The following ACER2 variants were observed in gnomAD, a reference collection of about 807,000 sequenced individuals.
ACER2 encodes alkCDase 2.
A neutral mutation model predicts 34.7 loss-of-function variants in ACER2; 26 were observed. The ratio of observed to expected loss-of-function variants is 0.75; its 90% CI spans 0.55 to 1.04. ACER2 has a LOEUF of 1.04. Among genes scored for constraint, ACER2 ranks in the 50% least tolerant of loss-of-function variants. ACER2 has a pLI of 0.00. For missense variants in ACER2, 352 were observed against 340.8 expected (o/e 1.03, Z -0.26); for synonymous variants, 138 against 132.1 (o/e 1.04, Z -0.31).
chr9:19,445,171 C>G lies in ACER2; in HGVS notation c.504-1110C>G, dbSNP rs1831313372. On this transcript the variant is annotated intron_variant, in intron 4 of 5. Coordinates refer to ENST00000340967, the MANE Select transcript of ACER2 (RefSeq NM_001010887.3). ...CCAGCTGCCCCCAGGTGTTCGTCCC[C>G]AGGGGTAGAACTCACCCACTTTATG... 2.0e-5 allele frequency among the ~76,000 whole-genome samples: 3 copies of G among 152,234 alleles called. No individual in the cohort carries two copies. The South Asian group carries it at 6.2e-4, about 32-fold the overall frequency.
At chr9:19,447,454 A>G (rs1413872093) in intron 5 of ACER2, among the ~76,000 whole-genome samples, 1 of 152,224 alleles carries the variant, frequency 6.6e-6, no homozygotes, top group Non-Finnish European at 1.5e-5. Flanking sequence ...CAAAATTCAA[A>G]CAGCACAAGT....
chr9:19,439,912 C>G (rs762083263), intron 4 of ACER2, among the ~76,000 whole-genome samples: 1 of 152,054 alleles, frequency 6.6e-6, no homozygotes, highest in Non-Finnish European at 1.5e-5. Context: ...GGTTGTGGTG[C>G]GTGGAGATGT....
intron 4 of ACER2, among the ~76,000 whole-genome samples, chr9:19,444,774 C>T (rs957923226): frequency 2.6e-4 from 40 of 152,146 alleles, no homozygotes; most frequent in African/African-American, 8.9e-4. Flanking sequence ...GAGTGGTAAT[C>T]GAAAGCGAGA....
chr9:19,421,358 T>C (rs772276155), intron 1 of ACER2, among the ~76,000 whole-genome samples: 33 of 152,260 alleles, frequency 2.2e-4, no homozygotes, highest in Non-Finnish European at 3.7e-4. Flanking sequence ...AATGTATGAA[T>C]AGACAAAATA....
Position 19,434,945 on chromosome 9 carries a change from A to C in ACER2, c.366-2A>C. ...GATTTGGTTTTGCTTTCATGGATTC[A>C]GGGGTAGGTTCAAGGTGGTGGTCAG... On this transcript the variant is annotated splice_acceptor_variant, in intron 3 of 5. Transcript: ENST00000340967. LOFTEE classifies it high-confidence loss of function. 6.2e-7 allele frequency: 1 copy of C among 1,613,254 alleles called. No individual in the cohort carries two copies. The highest frequency in any genetic ancestry group is 8.5e-7 in the Non-Finnish European group (1 of 1,179,950).
At chr9:19,426,829 A>G (rs1830585138) in intron 3 of ACER2, among the ~76,000 whole-genome samples, 2 of 152,120 alleles carry the variant, frequency 1.3e-5, no homozygotes, top group African/African-American at 4.8e-5. Context: ...CAAAAAGCTG[A>G]GGCAGGAAGA....
intron 3 of ACER2, among the ~76,000 whole-genome samples, chr9:19,434,700 T>C (rs1830901355): frequency 6.6e-6 from 1 of 152,056 alleles, no homozygotes; most frequent in Non-Finnish European, 1.5e-5. Flanking sequence ...GCAGGGAGGT[T>C]GCAGTGAGCC....
intron 2 of ACER2, among the ~76,000 whole-genome samples, 172 bp downstream of exon 2, chr9:19,424,148 G>A (rs1830492559): frequency 1.3e-5 from 2 of 152,136 alleles, no homozygotes; most frequent in Admixed American, 6.6e-5. Flanking sequence ...TGATAACAAA[G>A]TTGGCATTAC....
At chr9:19,431,019 GT>G (rs11313290) in intron 3 of ACER2, among the ~76,000 whole-genome samples, 38,279 of 151,734 alleles carry the variant, frequency 0.25, 5,749 homozygotes, top group African/African-American at 0.42. Context: ...AAAAACCCAT[GT>G]TTTTTTCAAG....
chr9:19,446,893 G>C (rs1831385801), intron 5 of ACER2, among the ~76,000 whole-genome samples: 1 of 152,172 alleles, frequency 6.6e-6, no homozygotes, highest in African/African-American at 2.4e-5. Context: ...ATTTCTATAA[G>C]TGGGGACAGA....
Position 19,451,951 on chromosome 9 carries a change from C to CT in ACER2, c.*1316dup, listed in dbSNP as rs55751242. 0.45 allele frequency: 67,748 copies of CT among 151,974 alleles called. 16,694 individuals are homozygous for CT. Among genetic ancestry groups the CT allele is most frequent in the Non-Finnish European group, 0.56 (38,065 of 67,748 alleles). 9.4% of individuals were successfully genotyped at this position (151,974 alleles called of 1,614,324 possible). ...CCAGAGTATCCAACGGCTCACCTTT[C>CT]TCAAGTGCTGGCAGTAGCTATGCAC... On this transcript the variant is annotated 3_prime_UTR_variant, in exon 6 of 6. Coordinates refer to ENST00000340967, the MANE Select transcript of ACER2 (RefSeq NM_001010887.3).
At position 19,420,228 on chromosome 9, in the gene ACER2, A is replaced by T. The variant is rs565460004; in HGVS notation, c.109-3634A>T. 2.0e-5 allele frequency among the ~76,000 whole-genome samples: 3 copies of T among 152,258 alleles called. No homozygotes were observed. In the South Asian group the frequency reaches 6.2e-4, roughly 32 times the overall value. On this transcript the variant is annotated intron_variant, in intron 1 of 5. Coordinates refer to ENST00000340967, the MANE Select transcript of ACER2 (RefSeq NM_001010887.3). Reference sequence around the variant, plus strand: ...CATTGTGTATTGTCCAACATGAGTAACCGCTCTTTTCTTCTGAAAGCCCTG... The same window carrying T: ...CATTGTGTATTGTCCAACATGAGTATCCGCTCTTTTCTTCTGAAAGCCCTG...
intron 3 of ACER2, among the ~76,000 whole-genome samples, chr9:19,430,839 T>G (rs1207144771): frequency 6.6e-6 from 1 of 151,990 alleles, no homozygotes; most frequent in Non-Finnish European, 1.5e-5. Context: ...GTGCCTGTAA[T>G]CCCAGCTACT....
intron 2 of ACER2, 50 bp downstream of exon 2, chr9:19,424,026 G>A (rs2079176957): frequency 7.2e-7 from 1 of 1,382,668 alleles, no homozygotes; most frequent in East Asian, 2.3e-5. Flanking sequence ...GTGGGATGGG[G>A]GTAGAAGGAA....
chr9:19,410,551 A>C (rs1240844007), intron 1 of ACER2, among the ~76,000 whole-genome samples: 2 of 152,196 alleles, frequency 1.3e-5, no homozygotes. Flanking sequence ...CTCTACAAAA[A>C]AATACAAAAA....
chr9:19,436,756 T>G (rs1366303086), intron 4 of ACER2, among the ~76,000 whole-genome samples: 1 of 152,232 alleles, frequency 6.6e-6, no homozygotes, highest in South Asian at 2.1e-4. Flanking sequence ...TTTTTGACCA[T>G]TTAGGTTGTT....
intron 5 of ACER2, 82 bp from the exon 6 acceptor site, chr9:19,450,368 G>A: frequency 6.9e-7 from 1 of 1,442,812 alleles, no homozygotes; most frequent in Admixed American, 1.9e-5. Flanking sequence ...GCGTGGGTTA[G>A]ACCGGAAGAA....
intron 4 of ACER2, among the ~76,000 whole-genome samples, chr9:19,444,874 G>T (rs561886178): frequency 6.6e-6 from 1 of 152,298 alleles, no homozygotes; most frequent in South Asian, 2.1e-4. Flanking sequence ...ACTTTTCAAG[G>T]GATGTATTTA....
At chr9:19,418,519 A>C (rs192023433) in intron 1 of ACER2, among the ~76,000 whole-genome samples, 9 of 151,876 alleles carry the variant, frequency 5.9e-5, no homozygotes, top group Admixed American at 5.9e-4. Context: ...ATGCAGCCAC[A>C]AAAAAGGATG....
Sources: gnomAD v4.1 joint callset for allele counts (sites outside exome capture counted in the v4.1 genomes callset) on GRCh38, gnomAD v4.1.1 for gene constraint, MANE v1.5 for transcripts, NCBI Gene and HGNC (gene_info 2026-07-23, HGNC 2026-07-21) for gene names.